The following KIAA2012 variants were observed in gnomAD, a reference collection of about 807,000 sequenced individuals.
KIAA2012 encodes KIAA2012, also known as uncharacterized protein KIAA2012.
Under a neutral mutation model 150.6 loss-of-function variants are expected in KIAA2012, and 125 were observed. That is an observed-to-expected ratio of 0.83 (90% CI 0.72 to 0.96). KIAA2012 has a LOEUF of 0.96. Among genes scored for constraint, KIAA2012 ranks in the 40% least tolerant of loss-of-function variants. The pLI is 0.00. For synonymous variants in KIAA2012, 462 were observed against 504.7 expected (o/e 0.92, Z 1.13); for missense variants, 1,219 against 1,354.9 (o/e 0.90, Z 1.57).
intron 2 of KIAA2012, chr2:202,077,074 C>A (rs1559194931): frequency 2.2e-6 from 1 of 457,082 alleles, no homozygotes; most frequent in Non-Finnish European, 4.4e-6. Context: ...AACAGACAGG[C>A]CCACTATGAC....
In KIAA2012 at chr2:202,176,495, C is replaced by T. The variant is rs564736463; in HGVS notation, c.2120-8258C>T. On this transcript the variant is annotated intron_variant, in intron 15 of 23. Coordinates refer to ENST00000498697, the MANE Select transcript of KIAA2012 (RefSeq NM_001277372.4). Reference sequence around the variant, plus strand: ...TACAGGTGTGAGCCACTGTGCCCCGCCAATGAATCTGACTATATTAAAGTT... The same window carrying T: ...TACAGGTGTGAGCCACTGTGCCCCGTCAATGAATCTGACTATATTAAAGTT... 2.0e-5 allele frequency among the ~76,000 whole-genome samples: 3 copies of T among 152,258 alleles called. No homozygotes were observed. In the East Asian group the frequency reaches 5.8e-4, roughly 29 times the overall value.
chr2:202,138,541 A>G (rs2105944528), intron 13 of KIAA2012, 33 bp downstream of exon 13: 1 of 1,488,194 alleles, frequency 6.7e-7, no homozygotes, highest in East Asian at 2.5e-5. Context: ...GGATGACACT[A>G]GGAGTCACAA....
At position 202,098,939 on chromosome 2, in the gene KIAA2012, G is replaced by T. The variant is rs192937093; in HGVS notation, c.829-674G>T. 1.5e-3 allele frequency among the ~76,000 whole-genome samples: 220 copies of T among 151,324 alleles called. 2 individuals are homozygous for T. Among genetic ancestry groups the T allele is most frequent in the African/African-American group, 5.2e-3 (214 of 41,194 alleles). On this transcript the variant is annotated intron_variant, in intron 5 of 23. Coordinates refer to ENST00000498697, the MANE Select transcript of KIAA2012 (RefSeq NM_001277372.4). ...TCATCTGCCAAGGAGAAGAGGAAAG[G>T]GGGAGAAGAGCCACAGAGTGGAAGG...
chr2:202,101,626 A>C (rs1690047083), intron 7 of KIAA2012, among the ~76,000 whole-genome samples: 1 of 152,252 alleles, frequency 6.6e-6, no homozygotes, highest in Admixed American at 6.5e-5. Flanking sequence ...CTCGTCAGCC[A>C]TACCTCACAC....
At chr2:202,108,064 A>T (rs1003525897) in intron 9 of KIAA2012, among the ~76,000 whole-genome samples, 2 of 152,174 alleles carry the variant, frequency 1.3e-5, no homozygotes, top group African/African-American at 4.8e-5. Context: ...GGCAGTCTTC[A>T]CATAGAGGTC....
In KIAA2012 at chr2:202,099,747, C is replaced by T. The variant is rs554740167; in HGVS notation, c.963C>T (p.His321=). ...CTTGGCTCCCAAGTGACAAATCCCA[C>T]ATTACATTCTGTGGAGGCGCCTTCC... is the stretch of plus-strand genomic sequence containing the variant. ...DHSWLPSDKS[H]ITFCGGAFPN... is the part of the protein sequence containing the mutation. The change falls in exon 6 of 24, where the codon CAC becomes CAT. Residue 321 remains histidine (H), a synonymous_variant. Coordinates refer to ENST00000498697, the MANE Select transcript of KIAA2012 (RefSeq NM_001277372.4). 6.4e-7 allele frequency: 1 copy of T among 1,550,610 alleles called. No homozygotes were observed. Among genetic ancestry groups the T allele is most frequent in the Admixed American group, 2.0e-5 (1 of 51,000 alleles).
intron 2 of KIAA2012, among the ~76,000 whole-genome samples, chr2:202,078,242 G>T (rs1373431619): frequency 6.6e-6 from 1 of 152,236 alleles, no homozygotes; most frequent in Non-Finnish European, 1.5e-5. Flanking sequence ...GTCAAGCAAT[G>T]AAGTCATGTG....
At chr2:202,074,153 A>C (rs1056627900) in intron 1 of KIAA2012, among the ~76,000 whole-genome samples, 3 of 152,076 alleles carry the variant, frequency 2.0e-5, no homozygotes, top group Admixed American at 2.0e-4. Context: ...ATAGGCCAAA[A>C]AAAAACCCAC....
At chr2:202,158,701 T>A (rs941473991) in intron 14 of KIAA2012, among the ~76,000 whole-genome samples, 11 of 145,732 alleles carry the variant, frequency 7.5e-5, no homozygotes, top group African/African-American at 1.4e-4. Context: ...GAAAAAAAAA[T>A]TTTTTGAACC....
chr2:202,203,716 A>C (rs1424330938), intron 23 of KIAA2012, among the ~76,000 whole-genome samples: 2 of 152,126 alleles, frequency 1.3e-5, no homozygotes, highest in African/African-American at 4.8e-5. Context: ...CTGAAGAATT[A>C]ACCACCCACA....
At chr2:202,176,920 T>A (rs1243359597) in intron 15 of KIAA2012, among the ~76,000 whole-genome samples, 1 of 152,206 alleles carries the variant, frequency 6.6e-6, no homozygotes, top group Non-Finnish European at 1.5e-5. Context: ...GCATATATCC[T>A]GCATCCCAAC....
chr2:202,160,603 A>G lies in KIAA2012; in HGVS notation c.2047-4681A>G, dbSNP rs146373938. ...GCTGGGATTACAGGCGTGAGCCACC[A>G]CGCCCGGCCAAAATCATAGTCTTTA... On this transcript the variant is annotated intron_variant, in intron 14 of 23. Transcript: ENST00000498697. Among the ~76,000 whole-genome samples, 842 of 152,184 alleles carry G rather than the reference A, an allele frequency of 5.5e-3. 1 individual carries two copies. The highest frequency in any genetic ancestry group is 0.017 in the African/African-American group (696 of 41,548).
chr2:202,111,508 TCAAAAAAAAAAAAAAA>T (rs1690353522), intron 10 of KIAA2012, among the ~76,000 whole-genome samples: 1 of 34,064 alleles, frequency 2.9e-5, no homozygotes, highest in African/African-American at 1.0e-4. Context: ...AGACTCTGTC[TCAAAAAAAAAAAAAAA>T]AAAAAAAAAA....
intron 17 of KIAA2012, among the ~76,000 whole-genome samples, chr2:202,187,597 G>T (rs1692255575): frequency 6.6e-6 from 1 of 152,144 alleles, no homozygotes; most frequent in Non-Finnish European, 1.5e-5. Flanking sequence ...GTGAGCCACT[G>T]CACCTGGCCC....
At chr2:202,092,637 TAG>T (rs1180167769) in intron 3 of KIAA2012, among the ~76,000 whole-genome samples, 1 of 152,092 alleles carries the variant, frequency 6.6e-6, no homozygotes, top group African/African-American at 2.4e-5. Flanking sequence ...TAAATACTTA[TAG>T]AATGACTGGA....
Position 202,101,896 on chromosome 2 carries a change from C to T in KIAA2012, c.1156-1050C>T, listed in dbSNP as rs1690052054. ...TAAATACATAGGTTGCTTATGTATG[C>T]TTCTGATCTTTTTTTTTCTTTTTGA... On this transcript the variant is annotated intron_variant, in intron 7 of 23. Transcript: ENST00000498697. 2.0e-5 allele frequency among the ~76,000 whole-genome samples: 3 copies of T among 152,062 alleles called. No individual in the cohort carries two copies. The South Asian group carries it at 6.2e-4, about 31-fold the overall frequency.
At chr2:202,178,935 T>C (rs1692056071) in intron 15 of KIAA2012, 1 of 231,112 alleles carries the variant, frequency 4.3e-6, no homozygotes, top group African/African-American at 2.4e-5. Context: ...AGATTAACTG[T>C]AGTATTAAGG....
chr2:202,098,275 G>A (rs755718529), intron 5 of KIAA2012, among the ~76,000 whole-genome samples: 1 of 152,158 alleles, frequency 6.6e-6, no homozygotes, highest in Non-Finnish European at 1.5e-5. Flanking sequence ...CAGGAGAATC[G>A]CTTGAACCTG....
At chr2:202,179,254 TAAA>T in intron 15 of KIAA2012, 1 of 938,892 alleles carries the variant, frequency 1.1e-6, no homozygotes, top group Non-Finnish European at 1.7e-6. Flanking sequence ...CATTGTGACT[TAAA>T]AACTGTACAT....
Sources: allele counts gnomAD v4.1 joint callset (sites outside exome capture counted in the v4.1 genomes callset), GRCh38; gene constraint gnomAD v4.1.1; transcripts MANE v1.5; gene names NCBI Gene and HGNC (gene_info 2026-07-23, HGNC 2026-07-21).